Variants in FAF1 observed in about 807,000 individuals in gnomAD.
FAF1 encodes the protein FAS-associated factor 1.
FAF1 carries 25 observed loss-of-function variants against 92.5 expected under a neutral mutation model. The observed-to-expected ratio is 0.27, with a 90% confidence interval of 0.20 to 0.38. The LOEUF (loss-of-function observed/expected upper bound fraction) is 0.38, where lower values mean the gene tolerates loss of function less well. Ranked by LOEUF, FAF1 falls within the 10% of genes least tolerant of loss-of-function variation. The pLI, the probability that FAF1 is intolerant of heterozygous loss-of-function variation, is 1.00. For synonymous variants in FAF1, 234 were observed against 273.2 expected (o/e 0.86, Z 1.42); for missense variants, 636 against 793.3 (o/e 0.80, Z 2.38).
At chr1:50,943,505 CTT>C (rs1428341341) in intron 1 of FAF1, among the ~76,000 whole-genome samples, 2 of 152,184 alleles carry the variant, frequency 1.3e-5, no homozygotes, top group Non-Finnish European at 2.9e-5. Flanking sequence ...CATAATAACT[CTT>C]GTCAGTGAAT....
chr1:50,632,586 G>C (rs551538833), intron 8 of FAF1, among the ~76,000 whole-genome samples: 1 of 151,956 alleles, frequency 6.6e-6, no homozygotes, highest in Non-Finnish European at 1.5e-5. Flanking sequence ...TACACTTTAG[G>C]GGTAAGATAT....
chr1:50,758,585 A>G (rs2124522764), intron 4 of FAF1, among the ~76,000 whole-genome samples: 1 of 152,342 alleles, frequency 6.6e-6, no homozygotes, highest in East Asian at 1.9e-4. Context: ...ATGTGTAACC[A>G]AATATTTACA....
intron 2 of FAF1, among the ~76,000 whole-genome samples, chr1:50,837,611 C>T (rs1164048942): frequency 1.3e-5 from 2 of 151,956 alleles, no homozygotes; most frequent in African/African-American, 4.8e-5. Context: ...AACTCAAAGA[C>T]AACAATTGAA....
At chr1:50,928,282 A>C (rs1280363574) in intron 1 of FAF1, among the ~76,000 whole-genome samples, 1 of 152,214 alleles carries the variant, frequency 6.6e-6, no homozygotes, top group Non-Finnish European at 1.5e-5. Context: ...TCTACTATAA[A>C]TAATAGAATG....
chr1:50,664,742 C>A (rs757086763), intron 7 of FAF1, among the ~76,000 whole-genome samples: 1 of 152,310 alleles, frequency 6.6e-6, no homozygotes, highest in South Asian at 2.1e-4. Context: ...TGCAGAGAGT[C>A]GAGATCGCGC....
At chr1:50,611,476 A>G (rs944042314) in intron 8 of FAF1, among the ~76,000 whole-genome samples, 1 of 152,198 alleles carries the variant, frequency 6.6e-6, no homozygotes, top group Non-Finnish European at 1.5e-5. Context: ...GGTAGTTAAT[A>G]TGGACTGCTG....
intron 1 of FAF1, among the ~76,000 whole-genome samples, chr1:50,876,090 A>C (rs1312845979): frequency 6.6e-6 from 1 of 152,194 alleles, no homozygotes; most frequent in Non-Finnish European, 1.5e-5. Flanking sequence ...AAATGTGTAA[A>C]ACGACTAAAA....
chr1:50,796,278 A>G (rs1661748006), intron 3 of FAF1, among the ~76,000 whole-genome samples: 1 of 152,094 alleles, frequency 6.6e-6, no homozygotes, highest in South Asian at 2.1e-4. Context: ...TCACCCTAGC[A>G]GTGACATATC....
At chr1:50,502,366 T>C (rs1572789899) in intron 15 of FAF1, among the ~76,000 whole-genome samples, 1 of 152,178 alleles carries the variant, frequency 6.6e-6, no homozygotes, top group African/African-American at 2.4e-5. Context: ...AGAAACAATT[T>C]AGTGAGAACT....
intron 13 of FAF1, among the ~76,000 whole-genome samples, chr1:50,541,484 T>C (rs1364441867): frequency 6.6e-6 from 1 of 152,142 alleles, no homozygotes; most frequent in East Asian, 1.9e-4. Context: ...ATCGTGAGAT[T>C]AGAAAATTAG....
intron 2 of FAF1, among the ~76,000 whole-genome samples, chr1:50,818,318 T>C (rs1643997686): frequency 6.6e-6 from 1 of 152,234 alleles, no homozygotes; most frequent in South Asian, 2.1e-4. Context: ...GCAGCTACTT[T>C]GGAAACAGCA....
chr1:50,578,083 T>C (rs1650833536), intron 12 of FAF1, among the ~76,000 whole-genome samples: 1 of 152,160 alleles, frequency 6.6e-6, no homozygotes, highest in Non-Finnish European at 1.5e-5. Context: ...GCTCCCCAAA[T>C]CCTTTGTAAT....
intron 2 of FAF1, among the ~76,000 whole-genome samples, chr1:50,826,135 A>T (rs1280990898): frequency 6.6e-6 from 1 of 152,212 alleles, no homozygotes; most frequent in Non-Finnish European, 1.5e-5. Context: ...AAAACCAAAG[A>T]AAGAAGAATT....
chr1:50,663,455 T>C (rs958173433), intron 7 of FAF1, among the ~76,000 whole-genome samples: 1 of 145,234 alleles, frequency 6.9e-6, no homozygotes. Context: ...CAGGCTGGAG[T>C]GCAATGGCAC....
chr1:50,818,838 C>T (rs1644003102), intron 2 of FAF1, among the ~76,000 whole-genome samples: 1 of 151,472 alleles, frequency 6.6e-6, no homozygotes, highest in Non-Finnish European at 1.5e-5. Context: ...CTCCATCCCC[C>T]CACCAAAAAA....
intron 8 of FAF1, among the ~76,000 whole-genome samples, chr1:50,609,319 G>T (rs1460350135): frequency 4.6e-5 from 7 of 152,124 alleles, no homozygotes; most frequent in Non-Finnish European, 1.5e-5. Flanking sequence ...GAAAAATGAG[G>T]CTCATATTTT....
At chr1:50,706,922 G>A (rs1185651652) in intron 6 of FAF1, among the ~76,000 whole-genome samples, 1 of 152,190 alleles carries the variant, frequency 6.6e-6, no homozygotes. Context: ...TAGACAGATA[G>A]GACGGGCACG....
At chr1:50,460,951 C>T (rs1646421173) in intron 18 of FAF1, among the ~76,000 whole-genome samples, 1 of 152,086 alleles carries the variant, frequency 6.6e-6, no homozygotes, top group South Asian at 2.1e-4. Flanking sequence ...CAGCACGTGG[C>T]CTAAGTAAAG....
intron 15 of FAF1, among the ~76,000 whole-genome samples, chr1:50,505,570 A>T (rs186754291): frequency 2.6e-5 from 4 of 152,340 alleles, no homozygotes; most frequent in Non-Finnish European, 1.5e-5. Flanking sequence ...CTTACTTTCA[A>T]TCACAGGTTA....
Sources: allele counts gnomAD v4.1 joint callset (sites outside exome capture counted in the v4.1 genomes callset), GRCh38; gene constraint gnomAD v4.1.1; transcripts MANE v1.5; gene names NCBI Gene and HGNC (gene_info 2026-07-23, HGNC 2026-07-21).